ST8SIA2: variants seen among roughly 807,000 people sequenced by gnomAD.
ST8SIA2 encodes alpha-2,8-sialyltransferase 8B.
A neutral mutation model predicts 37.6 loss-of-function variants in ST8SIA2; 22 were observed. The ratio of observed to expected loss-of-function variants is 0.58; its 90% CI spans 0.42 to 0.83. ST8SIA2 has a LOEUF of 0.83. Ranked by LOEUF, ST8SIA2 falls within the 40% of genes least tolerant of loss-of-function variation. The probability of loss-of-function intolerance (pLI) is 0.00; values close to 1 mark genes in which losing one functional copy is unlikely to be tolerated. For synonymous variants in ST8SIA2, 205 were observed against 201.2 expected (o/e 1.02, Z -0.16); for missense variants, 382 against 484.7 (o/e 0.79, Z 1.99).
At chr15:92,444,552 G>C (rs886824435) in intron 4 of ST8SIA2, 84 bp from the exon 5 acceptor site, 23 of 1,561,940 alleles carry the variant, frequency 1.5e-5, no homozygotes, top group Non-Finnish European at 1.9e-5. Flanking sequence ...AAGAAGCAAG[G>C]AGAGGCAAAG....
chr15:92,425,633 G>T (rs1002504526), intron 1 of ST8SIA2, among the ~76,000 whole-genome samples: 1 of 152,204 alleles, frequency 6.6e-6, no homozygotes, highest in Non-Finnish European at 1.5e-5. Flanking sequence ...TGGTCTGGAG[G>T]CAGGAGGAGG....
chr15:92,426,410 A>G (rs2049676247), intron 1 of ST8SIA2, among the ~76,000 whole-genome samples: 1 of 152,182 alleles, frequency 6.6e-6, no homozygotes, highest in African/African-American at 2.4e-5. Context: ...AGAAAACAAG[A>G]GTTCACCGGC....
At chr15:92,408,852 T>C (rs2049528771) in intron 1 of ST8SIA2, among the ~76,000 whole-genome samples, 1 of 151,988 alleles carries the variant, frequency 6.6e-6, no homozygotes, top group South Asian at 2.1e-4. Flanking sequence ...ATTACAGGTG[T>C]GCGCCACCAT....
chr15:92,446,250 C>T (rs2141840582), intron 5 of ST8SIA2, among the ~76,000 whole-genome samples: 1 of 152,288 alleles, frequency 6.6e-6, no homozygotes, highest in Middle Eastern at 3.4e-3. Flanking sequence ...TCCAAATGAT[C>T]TCTCCGCATG....
chr15:92,447,157 A>AT (rs1461009326), intron 5 of ST8SIA2, among the ~76,000 whole-genome samples: 1 of 152,184 alleles, frequency 6.6e-6, no homozygotes, highest in East Asian at 1.9e-4. Context: ...CAGATTTGCT[A>AT]TAAAATTTTG....
At chr15:92,413,570 T>C (rs2049565676) in intron 1 of ST8SIA2, among the ~76,000 whole-genome samples, 1 of 152,208 alleles carries the variant, frequency 6.6e-6, no homozygotes, top group African/African-American at 2.4e-5. Flanking sequence ...CCGCGCATCC[T>C]CACTGCACAC....
intron 1 of ST8SIA2, among the ~76,000 whole-genome samples, chr15:92,425,709 G>A (rs1472328963): frequency 2.6e-5 from 4 of 152,160 alleles, no homozygotes; most frequent in Admixed American, 2.6e-4. Flanking sequence ...GGGCCAGAGC[G>A]GGTCTAGGAT....
Position 92,454,354 on chromosome 15 carries a change from G to T in ST8SIA2, c.842+9425G>T, listed in dbSNP as rs530083034. On this transcript the variant is annotated intron_variant, in intron 5 of 5. Transcript: ENST00000268164. ...AGGACATCAGTCATATTGGATTAAG[G>T]CCCACCCTAGTGACCTAATTTTAAC... 3.3e-5 allele frequency among the ~76,000 whole-genome samples: 5 copies of T among 152,058 alleles called. 1 individual carries two copies. In the South Asian group the frequency reaches 1.0e-3, roughly 32 times the overall value.
chr15:92,463,653 T>C (rs2049971680), intron 5 of ST8SIA2, among the ~76,000 whole-genome samples: 1 of 152,202 alleles, frequency 6.6e-6, no homozygotes, highest in African/African-American at 2.4e-5. Context: ...ATGCTACAGC[T>C]ACACAACGGT....
At chr15:92,407,203 GAACTTA>G (rs2049514759) in intron 1 of ST8SIA2, among the ~76,000 whole-genome samples, 2 of 152,140 alleles carry the variant, frequency 1.3e-5, no homozygotes, top group South Asian at 4.2e-4. Context: ...AACAGAAAAA[GAACTTA>G]AACTGTGTGG....
At position 92,438,839 on chromosome 15, in the gene ST8SIA2, G is replaced by A. The variant is rs1246137663; in HGVS notation, c.548+229G>A. Among the ~76,000 whole-genome samples, 10 of 152,206 alleles carry A rather than the reference G, an allele frequency of 6.6e-5. No individual in the cohort carries two copies. In the East Asian group the frequency reaches 1.9e-3, roughly 29 times the overall value. On this transcript the variant is annotated intron_variant, in intron 4 of 5. Coordinates refer to ENST00000268164, the MANE Select transcript of ST8SIA2 (RefSeq NM_006011.4). ...AGGAGAGGGGAAGAGAGGCGTGGCAGGGGTGCGGGCAACCCAGGGAGCCCA... is the reference window on the plus strand; with the variant it reads ...AGGAGAGGGGAAGAGAGGCGTGGCAAGGGTGCGGGCAACCCAGGGAGCCCA...
intron 1 of ST8SIA2, among the ~76,000 whole-genome samples, chr15:92,407,928 AAAACGCATG>A (rs1236000967): frequency 6.6e-6 from 1 of 152,216 alleles, no homozygotes; most frequent in Non-Finnish European, 1.5e-5. Context: ...TCTAGTTAGC[AAAACGCATG>A]AAGGTAGACC....
intron 1 of ST8SIA2, among the ~76,000 whole-genome samples, chr15:92,419,004 A>AG (rs2049610450): frequency 6.6e-6 from 1 of 152,056 alleles, no homozygotes; most frequent in African/African-American, 2.4e-5. Context: ...TGTTTCCTCC[A>AG]GGGGGTGCCC....
At chr15:92,403,778 G>C (rs1017343411) in intron 1 of ST8SIA2, among the ~76,000 whole-genome samples, 1 of 152,132 alleles carries the variant, frequency 6.6e-6, no homozygotes, top group Non-Finnish European at 1.5e-5. Context: ...ATCTCTTGAG[G>C]TTCCCACAAT....
intron 2 of ST8SIA2, among the ~76,000 whole-genome samples, chr15:92,430,317 T>C (rs990895601): frequency 6.6e-6 from 1 of 152,160 alleles, no homozygotes; most frequent in African/African-American, 2.4e-5. Flanking sequence ...GCTGCAGAGA[T>C]GGAAAATGCA....
At chr15:92,462,155 T>C (rs1484086095) in intron 5 of ST8SIA2, among the ~76,000 whole-genome samples, 2 of 152,232 alleles carry the variant, frequency 1.3e-5, no homozygotes, top group Admixed American at 1.3e-4. Flanking sequence ...ACTCCGATTC[T>C]GGCCACCTAG....
Position 92,451,969 on chromosome 15 carries a change from T to C in ST8SIA2, c.842+7040T>C, listed in dbSNP as rs114959451. ...CAGGATGGGTTTGAGTTTATGAAAA[T>C]ATTAAGAAAAACAGAAAAGTCTTTT... On this transcript the variant is annotated intron_variant, in intron 5 of 5. Coordinates refer to ENST00000268164, the MANE Select transcript of ST8SIA2 (RefSeq NM_006011.4). Among the ~76,000 whole-genome samples the C allele has an allele frequency of 6.0e-3, 917 of 152,198 alleles. 12 individuals are homozygous for C. Among genetic ancestry groups the C allele is most frequent in the African/African-American group, 0.021 (862 of 41,530 alleles).
intron 5 of ST8SIA2, among the ~76,000 whole-genome samples, chr15:92,451,308 A>T (rs531169307): frequency 6.6e-6 from 1 of 152,276 alleles, no homozygotes; most frequent in Admixed American, 6.5e-5. Flanking sequence ...AGGTGTTAGA[A>T]GACCACGGCA....
At chr15:92,442,537 A>G (rs2049810646) in intron 4 of ST8SIA2, among the ~76,000 whole-genome samples, 1 of 152,018 alleles carries the variant, frequency 6.6e-6, no homozygotes, top group Admixed American at 6.6e-5. Flanking sequence ...CATGGAGTCC[A>G]CTTGGCCCTG....
Sources: allele counts gnomAD v4.1 joint callset (sites outside exome capture counted in the v4.1 genomes callset), GRCh38; gene constraint gnomAD v4.1.1; transcripts MANE v1.5; gene names NCBI Gene and HGNC (gene_info 2026-07-23, HGNC 2026-07-21).